DCLK1: variants seen among roughly 807,000 people sequenced by gnomAD.
The protein encoded by DCLK1 is serine/threonine-protein kinase DCLK1.
A neutral mutation model predicts 86.2 loss-of-function variants in DCLK1; 16 were observed. That is an observed-to-expected ratio of 0.19 (90% CI 0.13 to 0.28). The LOEUF (loss-of-function observed/expected upper bound fraction) is 0.28, where lower values mean the gene tolerates loss of function less well. Ranked by LOEUF, DCLK1 falls within the 10% of genes least tolerant of loss-of-function variation. The pLI is 1.00. For missense variants in DCLK1, 590 were observed against 940.2 expected (o/e 0.63, Z 4.87); for synonymous variants, 369 against 370.5 (o/e 1.00, Z 0.05).
At chr13:35,852,029 G>A (rs1870689555) in intron 6 of DCLK1, among the ~76,000 whole-genome samples, 2 of 151,560 alleles carry the variant, frequency 1.3e-5, no homozygotes, top group South Asian at 4.2e-4. Context: ...GTGTGTGTTG[G>A]GGTGGGGGCA....
intron 3 of DCLK1, among the ~76,000 whole-genome samples, chr13:35,949,631 T>C (rs1038145329): frequency 3.3e-5 from 5 of 152,306 alleles, no homozygotes; most frequent in Admixed American, 3.3e-4. Flanking sequence ...TTTGAGAACA[T>C]CTGATTGCTA....
chr13:35,826,057 T>C (rs79623305), intron 10 of DCLK1, among the ~76,000 whole-genome samples: 98,799 of 150,996 alleles, frequency 0.65, 33,905 homozygotes, highest in Non-Finnish European at 0.75. Flanking sequence ...TGTGATCTGC[T>C]TTCCTCGGCC....
At chr13:36,070,640 C>T (rs1883939220) in intron 3 of DCLK1, among the ~76,000 whole-genome samples, 1 of 89,660 alleles carries the variant, frequency 1.1e-5, no homozygotes, top group African/African-American at 4.8e-5. Context: ...ATTTTTTTAA[C>T]TTAATTTTTT....
At chr13:36,039,508 C>A (rs753294331) in intron 3 of DCLK1, among the ~76,000 whole-genome samples, 3 of 152,234 alleles carry the variant, frequency 2.0e-5, no homozygotes, top group Non-Finnish European at 4.4e-5. Flanking sequence ...CCACTTTCTT[C>A]TAAAGCTAAA....
At chr13:35,845,111 G>A (rs1050625745) in intron 6 of DCLK1, among the ~76,000 whole-genome samples, 2 of 152,130 alleles carry the variant, frequency 1.3e-5, no homozygotes, top group Non-Finnish European at 2.9e-5. Flanking sequence ...AGCTGCATGA[G>A]GTGGTACACA....
At chr13:36,115,332 C>A (rs9546416) in intron 2 of DCLK1, among the ~76,000 whole-genome samples, 4 of 57,192 alleles carry the variant, frequency 7.0e-5, no homozygotes, top group African/African-American at 3.4e-4. Context: ...TTATCTTAAA[C>A]AAACAAACAA....
At chr13:35,824,669 C>A (rs1353779141) in intron 10 of DCLK1, among the ~76,000 whole-genome samples, 1 of 152,172 alleles carries the variant, frequency 6.6e-6, no homozygotes, top group African/African-American at 2.4e-5. Flanking sequence ...CCAAAGCATC[C>A]TGCACACCGA....
At chr13:36,063,099 G>A (rs946937371) in intron 3 of DCLK1, among the ~76,000 whole-genome samples, 6 of 152,260 alleles carry the variant, frequency 3.9e-5, no homozygotes, top group East Asian at 3.9e-4. Context: ...ACAGCATCAC[G>A]TGCATGTGGA....
In DCLK1 at chr13:35,780,402, A is replaced by C. The variant is rs538649843; in HGVS notation, c.2059-5703T>G. 2.0e-5 allele frequency among the ~76,000 whole-genome samples: 3 copies of C among 152,354 alleles called. No individual in the cohort carries two copies. The South Asian group carries it at 6.2e-4, about 32-fold the overall frequency. The stretch of plus-strand genomic sequence containing the variant: ...CTTAGTAAGTTACCACTTCACTAAG[A>C]GATCCTAAGAGACTCTGAAGAGTGC... On this transcript the variant is annotated intron_variant, in intron 16 of 16. Coordinates refer to ENST00000360631, the MANE Select transcript of DCLK1 (RefSeq NM_001330071.2).
At chr13:36,084,340 C>T (rs947739230) in intron 3 of DCLK1, among the ~76,000 whole-genome samples, 3 of 152,252 alleles carry the variant, frequency 2.0e-5, no homozygotes, top group South Asian at 4.2e-4. Flanking sequence ...GACAGCTGAG[C>T]GTCTGATTTT....
At chr13:36,078,260 A>T (rs887001596) in intron 3 of DCLK1, among the ~76,000 whole-genome samples, 1 of 152,144 alleles carries the variant, frequency 6.6e-6, no homozygotes, top group Non-Finnish European at 1.5e-5. Context: ...ACTATGAGAA[A>T]CATATGTTTG....
intron 16 of DCLK1, among the ~76,000 whole-genome samples, chr13:35,778,921 T>C (rs1195137391): frequency 6.6e-6 from 1 of 152,246 alleles, no homozygotes; most frequent in East Asian, 1.9e-4. Context: ...TATCTCTGAA[T>C]GTACTTTAAT....
rs535220440 is a variant in DCLK1 at position 35,877,332 on chromosome 13, A to G, written c.824-5992T>C. ...AGAAAGATCCTCCCCCCACTCAGAA[A>G]CAGTTGGTAGGTAGGCTGAAGTGTT... On this transcript the variant is annotated intron_variant, in intron 4 of 16. Transcript: ENST00000360631. Among the ~76,000 whole-genome samples the G allele has an allele frequency of 1.9e-4, 29 of 152,258 alleles. No individual in the cohort carries two copies. The South Asian group carries it at 4.4e-3, about 23-fold the overall frequency.
intron 4 of DCLK1, among the ~76,000 whole-genome samples, chr13:35,941,876 C>A (rs1215943035): frequency 1.3e-5 from 2 of 152,084 alleles, no homozygotes; most frequent in Non-Finnish European, 2.9e-5. Context: ...CACAAATGAC[C>A]CATATCACAT....
chr13:36,100,141 G>A (rs535929149), intron 3 of DCLK1, among the ~76,000 whole-genome samples: 41 of 125,874 alleles, frequency 3.3e-4, no homozygotes, highest in South Asian at 1.1e-3. Context: ...CCAGGTGTTC[G>A]AGGCCAGCCT....
At chr13:35,837,160 A>G (rs1869444687) in intron 7 of DCLK1, among the ~76,000 whole-genome samples, 1 of 152,212 alleles carries the variant, frequency 6.6e-6, no homozygotes, top group African/African-American at 2.4e-5. Flanking sequence ...TAGTTTTTGT[A>G]TTCATGCTTG....
At chr13:35,872,123 AC>A (rs1422760902) in intron 4 of DCLK1, among the ~76,000 whole-genome samples, 2 of 152,186 alleles carry the variant, frequency 1.3e-5, no homozygotes, top group South Asian at 4.1e-4. Flanking sequence ...TGCTGTACAA[AC>A]CCACATATCT....
intron 2 of DCLK1, among the ~76,000 whole-genome samples, chr13:36,121,538 T>C (rs1452897401): frequency 6.6e-6 from 1 of 151,580 alleles, no homozygotes; most frequent in East Asian, 2.0e-4. Flanking sequence ...TATTATAGTA[T>C]ATTGTTATAA....
chr13:35,958,526 G>T (rs1878275431), intron 3 of DCLK1, among the ~76,000 whole-genome samples: 1 of 149,256 alleles, frequency 6.7e-6, no homozygotes, highest in East Asian at 2.0e-4. Context: ...ACCAACAGCA[G>T]TATAACTACC....
Sources: allele counts gnomAD v4.1 joint callset (sites outside exome capture counted in the v4.1 genomes callset), GRCh38; gene constraint gnomAD v4.1.1; transcripts MANE v1.5; gene names NCBI Gene and HGNC (gene_info 2026-07-23, HGNC 2026-07-21).